Variants in PRRG1 observed in about 807,000 individuals in gnomAD.
PRRG1 encodes transmembrane gamma-carboxyglutamic acid protein 1.
PRRG1 carries 5 observed loss-of-function variants against 11.8 expected under a neutral mutation model. The observed-to-expected ratio is 0.42, with a 90% CI of 0.22 to 0.89. PRRG1 has a LOEUF of 0.89. Ranked by LOEUF, PRRG1 falls within the 40% of genes least tolerant of loss-of-function variation. The pLI, the probability that PRRG1 is intolerant of heterozygous loss-of-function variation, is 0.28. For synonymous variants in PRRG1, 66 were observed against 60.4 expected, an observed-to-expected ratio of 1.09 and a Z score of -0.43; for missense variants, 155 against 166.1, an observed-to-expected ratio of 0.93 and a Z score of 0.37.
intron 1 of PRRG1, among the ~76,000 whole-genome samples, chrX:37,360,863 A>G (rs968403384): frequency 1.8e-5 from 2 of 112,474 alleles, no homozygotes; most frequent in Non-Finnish European, 3.8e-5. Context: ...TGCTTTTTGA[A>G]TCTCCTAAGG....
intron 1 of PRRG1, among the ~76,000 whole-genome samples, chrX:37,381,152 A>G (rs1556373662): frequency 9.0e-6 from 1 of 111,645 alleles, no homozygotes; most frequent in East Asian, 2.8e-4. Context: ...TGACCATCTG[A>G]CATTGGTCTG....
At chrX:37,440,820 C>T in intron 3 of PRRG1, 1 of 511,403 alleles carries the variant, frequency 2.0e-6, no homozygotes, top group Non-Finnish European at 3.5e-6. Context: ...GGCTGGAGTG[C>T]AGCTGTGAAC....
intron 1 of PRRG1, among the ~76,000 whole-genome samples, chrX:37,373,177 C>T (rs782204623): frequency 8.9e-6 from 1 of 112,139 alleles, no homozygotes; most frequent in East Asian, 2.8e-4. Flanking sequence ...TATGCCAGCA[C>T]AATGGAGTTT....
chrX:37,432,339 G>A (rs1357244063), intron 3 of PRRG1, among the ~76,000 whole-genome samples: 2 of 111,402 alleles, frequency 1.8e-5, no homozygotes, highest in Non-Finnish European at 3.8e-5. Flanking sequence ...GCCCGCCTTG[G>A]CCTCCCAAAG....
chrX:37,388,703 G>A (rs907710986), intron 1 of PRRG1, among the ~76,000 whole-genome samples: 9 of 113,117 alleles, frequency 8.0e-5, no homozygotes, highest in African/African-American at 2.2e-4. Flanking sequence ...TGTGATAGGA[G>A]GGGCTGCCAT....
intron 3 of PRRG1, among the ~76,000 whole-genome samples, chrX:37,430,999 T>C (rs1230094544): frequency 8.9e-6 from 1 of 112,483 alleles, no homozygotes; most frequent in Admixed American, 9.4e-5. Flanking sequence ...AATGGAATAA[T>C]ATAATGTGGA....
At chrX:37,427,306 A>G (rs1556388725) in intron 3 of PRRG1, among the ~76,000 whole-genome samples, 1 of 111,991 alleles carries the variant, frequency 8.9e-6, no homozygotes, top group Non-Finnish European at 1.9e-5. Context: ...TTGACATATA[A>G]AAAGCTGTAC....
chrX:37,373,963 G>A (rs1440963259), intron 1 of PRRG1, among the ~76,000 whole-genome samples: 4 of 111,313 alleles, frequency 3.6e-5, no homozygotes, highest in Non-Finnish European at 7.6e-5. Flanking sequence ...TACCTAATTT[G>A]TTGAGAGTTT....
At chrX:37,437,400 A>G (rs1932897283) in intron 3 of PRRG1, among the ~76,000 whole-genome samples, 1 of 111,965 alleles carries the variant, frequency 8.9e-6, no homozygotes, top group African/African-American at 3.3e-5. Context: ...ACCAGTGCCA[A>G]CCTTTTTCAG....
intron 2 of PRRG1, among the ~76,000 whole-genome samples, chrX:37,406,542 T>C (rs1247502885): frequency 2.7e-5 from 3 of 109,487 alleles, no homozygotes; most frequent in Non-Finnish European, 5.7e-5. Context: ...TATATATAAC[T>C]CACAGATACT....
chrX:37,451,158 A>G (rs1921121384), intron 3 of PRRG1, among the ~76,000 whole-genome samples: 1 of 111,747 alleles, frequency 8.9e-6, no homozygotes, highest in Non-Finnish European at 1.9e-5. Flanking sequence ...AGCTGGGACT[A>G]CAGGCATGCG....
At position 37,442,906 on chromosome X, in the gene PRRG1, A is replaced by G. The variant is rs186327419; in HGVS notation, c.172-10230A>G. Among the ~76,000 whole-genome samples, 13 of 112,150 alleles carry G rather than the reference A, an allele frequency of 1.2e-4. No individual in the cohort carries two copies. In the East Asian group the frequency reaches 3.1e-3, roughly 27 times the overall value. ...TTGTGCCATTTCTTCCAATAAACTAATATGGAAAAAATATACCTCAGTAGA... is the reference window on the plus strand; with the variant it reads ...TTGTGCCATTTCTTCCAATAAACTAGTATGGAAAAAATATACCTCAGTAGA... On this transcript the variant is annotated intron_variant, in intron 3 of 3. Coordinates refer to ENST00000378628, the MANE Select transcript of PRRG1 (RefSeq NM_001142395.2).
At chrX:37,408,911 G>C (rs1230714267) in intron 2 of PRRG1, among the ~76,000 whole-genome samples, 1 of 111,288 alleles carries the variant, frequency 9.0e-6, no homozygotes, top group Non-Finnish European at 1.9e-5. Flanking sequence ...CTGCTCATCA[G>C]GTCACTAGCA....
chrX:37,404,259 G>T (rs1196313255), intron 1 of PRRG1, among the ~76,000 whole-genome samples: 7 of 112,006 alleles, frequency 6.2e-5, no homozygotes, highest in African/African-American at 2.3e-4. Context: ...TGCCAGAGGT[G>T]TCTTCTTTAA....
intron 1 of PRRG1, among the ~76,000 whole-genome samples, chrX:37,353,530 C>T (rs1474422825): frequency 8.9e-6 from 1 of 111,860 alleles, no homozygotes; most frequent in African/African-American, 3.2e-5. Context: ...TGTCATAGGG[C>T]TTCATATCCA....
intron 1 of PRRG1, among the ~76,000 whole-genome samples, chrX:37,397,939 GATAA>G (rs782615634): frequency 1.9e-5 from 2 of 106,204 alleles, no homozygotes; most frequent in African/African-American, 3.5e-5. Flanking sequence ...TGAGAATCAA[GATAA>G]ATAAATACTG....
intron 1 of PRRG1, among the ~76,000 whole-genome samples, chrX:37,358,733 TAA>T (rs1162255978): frequency 2.8e-5 from 3 of 108,567 alleles, no homozygotes; most frequent in African/African-American, 1.0e-4. Context: ...AGTTGTTTTT[TAA>T]AAAAAAAAAT....
At chrX:37,423,924 T>C (rs1314406702) in intron 2 of PRRG1, among the ~76,000 whole-genome samples, 2 of 111,233 alleles carry the variant, frequency 1.8e-5, no homozygotes, top group Admixed American at 1.9e-4. Context: ...AATGTTTAGA[T>C]ATACAAATAC....
intron 2 of PRRG1, among the ~76,000 whole-genome samples, chrX:37,417,811 G>A (rs1286842457): frequency 1.8e-5 from 2 of 111,930 alleles, no homozygotes; most frequent in Non-Finnish European, 3.8e-5. Flanking sequence ...AGAATTATGA[G>A]TTTGACACTT....
Sources: allele counts gnomAD v4.1 joint callset (sites outside exome capture counted in the v4.1 genomes callset), GRCh38; gene constraint gnomAD v4.1.1; transcripts MANE v1.5; gene names NCBI Gene and HGNC (gene_info 2026-07-23, HGNC 2026-07-21).